ARB2A: variants seen among roughly 807,000 people sequenced by gnomAD.
The protein encoded by ARB2A is ARB2 cotranscriptional regulator A.
the ARB2A span, among the ~76,000 whole-genome samples, chr5:93,927,912 G>C: frequency 6.6e-6 from 1 of 151,868 alleles, no homozygotes; most frequent in East Asian, 1.9e-4. Flanking sequence ...CCAAATAAGG[G>C]CTTATCTATA....
the ARB2A span, among the ~76,000 whole-genome samples, chr5:93,873,219 G>T: frequency 1.1e-4 from 17 of 150,930 alleles, 1 homozygote; most frequent in East Asian, 3.4e-3. Context: ...TTGAGGCCAG[G>T]AGTTCTACAC....
chr5:93,850,203 A>G, the ARB2A span, among the ~76,000 whole-genome samples: 1 of 152,326 alleles, frequency 6.6e-6, no homozygotes, highest in Non-Finnish European at 1.5e-5. Context: ...TGTCCAAGAA[A>G]GTCTTTCTAG....
the ARB2A span, among the ~76,000 whole-genome samples, chr5:93,760,112 G>T: frequency 6.6e-6 from 1 of 151,890 alleles, no homozygotes; most frequent in African/African-American, 2.4e-5. Flanking sequence ...GCGACCAAGC[G>T]GAGAATCAAA....
chr5:94,068,547 A>G, the ARB2A span, among the ~76,000 whole-genome samples: 5 of 152,204 alleles, frequency 3.3e-5, no homozygotes, highest in African/African-American at 1.2e-4. Flanking sequence ...TGCCAGTTCG[A>G]ATGCCTGGGT....
the ARB2A span, among the ~76,000 whole-genome samples, chr5:94,018,431 G>A: frequency 6.6e-6 from 1 of 152,114 alleles, no homozygotes; most frequent in Admixed American, 6.5e-5. Context: ...AATTTGGTTG[G>A]GAGAGATCTG....
At chr5:93,741,359 G>T in the ARB2A span, 1 of 1,611,204 alleles carries the variant, frequency 6.2e-7, no homozygotes, top group South Asian at 1.1e-5. Context: ...AATTCGTGTG[G>T]CAGGGGACCC....
At chr5:93,855,947 G>A in the ARB2A span, among the ~76,000 whole-genome samples, 5 of 151,932 alleles carry the variant, frequency 3.3e-5, no homozygotes, top group African/African-American at 9.7e-5. Flanking sequence ...CACCAGTAAC[G>A]GAACAAAGCT....
the ARB2A span, among the ~76,000 whole-genome samples, chr5:93,887,486 C>G: frequency 6.6e-6 from 1 of 151,678 alleles, no homozygotes; most frequent in African/African-American, 2.4e-5. Flanking sequence ...ACGTGTTCGG[C>G]ATCTGTATAC....
the ARB2A span, among the ~76,000 whole-genome samples, chr5:94,019,973 A>G: frequency 6.6e-6 from 1 of 152,150 alleles, no homozygotes; most frequent in Non-Finnish European, 1.5e-5. Context: ...GCGTATGTTT[A>G]TTGCAGCACT....
chr5:93,988,234 T>C, the ARB2A span, among the ~76,000 whole-genome samples: 3 of 152,212 alleles, frequency 2.0e-5, no homozygotes, highest in Non-Finnish European at 4.4e-5. Flanking sequence ...TCTTAGCAGA[T>C]GTATTACTCC....
At chr5:94,072,157 T>G in the ARB2A span, among the ~76,000 whole-genome samples, 1 of 152,048 alleles carries the variant, frequency 6.6e-6, no homozygotes, top group Non-Finnish European at 1.5e-5. Context: ...ATAACATCTA[T>G]AAAATGACAA....
chr5:94,022,834 G>C, the ARB2A span, among the ~76,000 whole-genome samples: 1 of 152,238 alleles, frequency 6.6e-6, no homozygotes, highest in Non-Finnish European at 1.5e-5. Context: ...GCACTGGCTT[G>C]TAGGCCTTCA....
chr5:93,947,933 T>TC, the ARB2A span, among the ~76,000 whole-genome samples: 1 of 152,092 alleles, frequency 6.6e-6, no homozygotes, highest in African/African-American at 2.4e-5. Context: ...ACATTTGGGT[T>TC]CCAAGTCTTT....
At chr5:93,875,027 A>C in the ARB2A span, among the ~76,000 whole-genome samples, 9 of 152,108 alleles carry the variant, frequency 5.9e-5, no homozygotes, top group Non-Finnish European at 1.3e-4. Flanking sequence ...ATCAGGTTTG[A>C]GTTTTGCTAG....
At chr5:93,892,819 T>C in the ARB2A span, among the ~76,000 whole-genome samples, 2 of 152,160 alleles carry the variant, frequency 1.3e-5, no homozygotes, top group Admixed American at 6.6e-5. Context: ...TCCCACAAAA[T>C]GTCTCTTGAG....
the ARB2A span, among the ~76,000 whole-genome samples, chr5:93,764,083 A>G: frequency 3.3e-5 from 5 of 152,248 alleles, no homozygotes; most frequent in Non-Finnish European, 7.3e-5. Flanking sequence ...ATAAATGCCC[A>G]CAAGAGAAAG....
chr5:93,740,031 C>G, the ARB2A span: 1 of 150,504 alleles, frequency 6.6e-6, no homozygotes, highest in Non-Finnish European at 1.5e-5. Flanking sequence ...TCCAAGAAAG[C>G]TCAGGTGTTT....
the ARB2A span, among the ~76,000 whole-genome samples, chr5:94,076,932 T>C: frequency 6.6e-6 from 1 of 152,138 alleles, no homozygotes; most frequent in South Asian, 2.1e-4. Flanking sequence ...ATTATAAATA[T>C]GTATTCAGTG....
At chr5:93,850,935 T>C in the ARB2A span, among the ~76,000 whole-genome samples, 1,736 of 152,278 alleles carry the variant, frequency 0.011, 31 homozygotes, top group African/African-American at 0.04. Context: ...AATCAGTATA[T>C]TTTCTATTAA....
Sources: gnomAD v4.1 joint callset for allele counts (sites outside exome capture counted in the v4.1 genomes callset) on GRCh38, gnomAD v4.1.1 for gene constraint, MANE v1.5 for transcripts, NCBI Gene and HGNC (gene_info 2026-07-23, HGNC 2026-07-21) for gene names.